Variants in RBFOX1 observed in about 807,000 individuals in gnomAD.
RBFOX1 encodes the protein RNA binding protein fox-1 homolog 1.
Under a neutral mutation model 57.7 loss-of-function variants are expected in RBFOX1, and 8 were observed. That is an observed-to-expected ratio of 0.14 (90% CI 0.08 to 0.25). The LOEUF (loss-of-function observed/expected upper bound fraction) is 0.25. RBFOX1 is among the 10% of genes least tolerant of loss of function. The probability of loss-of-function intolerance (pLI) is 1.00; values close to 1 mark genes in which losing one functional copy is unlikely to be tolerated. For synonymous variants in RBFOX1, 326 were observed against 222.4 expected (o/e 1.47, Z -4.15); for missense variants, 611 against 548.5 (o/e 1.11, Z -1.14).
intron 1 of RBFOX1, among the ~76,000 whole-genome samples, chr16:5,391,461 A>C (rs2151420034): frequency 6.6e-6 from 1 of 152,284 alleles, no homozygotes; most frequent in East Asian, 1.9e-4. Context: ...TCCACATGTA[A>C]GGTCCCTTGG....
intron 3 of RBFOX1, among the ~76,000 whole-genome samples, chr16:6,977,802 G>C (rs2087471103): frequency 6.6e-6 from 1 of 151,952 alleles, no homozygotes; most frequent in African/African-American, 2.4e-5. Flanking sequence ...TAGTCAGTGT[G>C]GATTGCAGGC....
At chr16:5,300,466 A>G (rs540965410) in intron 1 of RBFOX1, among the ~76,000 whole-genome samples, 2 of 152,294 alleles carry the variant, frequency 1.3e-5, no homozygotes, top group Admixed American at 6.5e-5. Flanking sequence ...TAATGAATTT[A>G]TTCTTCTAAC....
chr16:5,350,278 G>C (rs2065233902), intron 1 of RBFOX1, among the ~76,000 whole-genome samples: 1 of 152,160 alleles, frequency 6.6e-6, no homozygotes. Flanking sequence ...TCATGATTTT[G>C]GAGACAAATG....
At position 6,019,455 on chromosome 16, in the gene RBFOX1, G is replaced by A; in HGVS notation, c.-664G>A. 1 of 991,860 alleles carries A rather than the reference G, an allele frequency of 1.0e-6. No homozygotes were observed. Among genetic ancestry groups the A allele is most frequent in the Non-Finnish European group, 1.2e-6 (1 of 834,482 alleles). 61.4% of individuals were successfully genotyped at this position (991,860 alleles called of 1,614,324 possible). Reference sequence around the variant, plus strand: ...GGGGCCGCGTCGGGTGGGGAAACCCGAACTCGCGGAGGGGAATCCCTCCCC... The same window carrying A: ...GGGGCCGCGTCGGGTGGGGAAACCCAAACTCGCGGAGGGGAATCCCTCCCC... On this transcript the variant is annotated 5_prime_UTR_variant, in exon 1 of 16. Coordinates refer to ENST00000550418, the MANE Select transcript of RBFOX1 (RefSeq NM_018723.4). This position sits in a 1 kb window ranked among gnomAD's most constrained non-coding sequence, Gnocchi z 4.2.
intron 3 of RBFOX1, among the ~76,000 whole-genome samples, chr16:7,033,493 C>G (rs904839396): frequency 1.3e-5 from 2 of 152,082 alleles, no homozygotes; most frequent in Non-Finnish European, 2.9e-5. Context: ...GCAGTCCAGC[C>G]TAGGGGATAG....
At chr16:6,586,824 C>T (rs903453366) in intron 2 of RBFOX1, among the ~76,000 whole-genome samples, 2 of 152,104 alleles carry the variant, frequency 1.3e-5, no homozygotes, top group African/African-American at 2.4e-5. Flanking sequence ...GCACTATCAC[C>T]ACGTAATTAT....
In RBFOX1 at chr16:7,174,309, A is replaced by G. The variant is rs913021452; in HGVS notation, c.27+122211A>G. On this transcript the variant is annotated intron_variant, in intron 4 of 15. Transcript: ENST00000550418. The stretch of plus-strand genomic sequence containing the variant: ...TGGATGGACCACATTTTGTTTATCC[A>G]TTTACCCATTTATTGATGGATACGT... Among the ~76,000 whole-genome samples, 3 of 152,216 alleles carry G rather than the reference A, an allele frequency of 2.0e-5. No individual in the cohort carries two copies. In the East Asian group the frequency reaches 5.8e-4, roughly 29 times the overall value.
At chr16:7,507,484 C>T (rs1306837678) in intron 4 of RBFOX1, among the ~76,000 whole-genome samples, 1 of 151,902 alleles carries the variant, frequency 6.6e-6, no homozygotes, top group Non-Finnish European at 1.5e-5. Context: ...CAGTGCCCAT[C>T]CCTGGATCCC....
intron 3 of RBFOX1, among the ~76,000 whole-genome samples, chr16:5,813,410 C>A (rs963444642): frequency 1.1e-4 from 16 of 152,164 alleles, no homozygotes; most frequent in African/African-American, 3.6e-4. Flanking sequence ...CCTCCCCGGC[C>A]CTCAGTAACC....
At chr16:6,142,209 A>AAAC (rs2096722670) in intron 1 of RBFOX1, among the ~76,000 whole-genome samples, 2 of 149,390 alleles carry the variant, frequency 1.3e-5, no homozygotes, top group Non-Finnish European at 3.0e-5. Flanking sequence ...AAAAAAAAAA[A>AAAC]AAAAAAATCC....
intron 4 of RBFOX1, among the ~76,000 whole-genome samples, chr16:7,263,792 A>G (rs187738434): frequency 1.4e-4 from 22 of 151,970 alleles, no homozygotes; most frequent in African/African-American, 5.3e-4. Flanking sequence ...GCTGCTCAAG[A>G]GGTAGGCTGA....
intron 3 of RBFOX1, among the ~76,000 whole-genome samples, chr16:6,697,227 G>T (rs577908815): frequency 2.6e-5 from 4 of 152,110 alleles, no homozygotes; most frequent in Non-Finnish European, 4.4e-5. Flanking sequence ...CACTGTAGTG[G>T]TAGCTGCAGT....
intron 1 of RBFOX1, among the ~76,000 whole-genome samples, chr16:5,341,156 G>C (rs991204261): frequency 6.6e-6 from 1 of 152,124 alleles, no homozygotes; most frequent in Non-Finnish European, 1.5e-5. Flanking sequence ...TGAGTAAGGG[G>C]GGAGTAGGAG....
At chr16:5,869,256 A>G (rs2057410743) in intron 4 of RBFOX1, among the ~76,000 whole-genome samples, 1 of 152,124 alleles carries the variant, frequency 6.6e-6, no homozygotes, top group Non-Finnish European at 1.5e-5. Context: ...CTCTGTGGTC[A>G]TCACCTGAGA....
intron 1 of RBFOX1, among the ~76,000 whole-genome samples, chr16:6,265,310 G>A (rs2074339115): frequency 6.6e-6 from 1 of 151,998 alleles, no homozygotes; most frequent in African/African-American, 2.4e-5. Context: ...CACCTAGGCT[G>A]GAGTGCAGTG....
chr16:6,117,619 C>T (rs1019671549), intron 1 of RBFOX1, among the ~76,000 whole-genome samples: 1 of 152,236 alleles, frequency 6.6e-6, no homozygotes, highest in Non-Finnish European at 1.5e-5. Flanking sequence ...CATTCCTCTC[C>T]TCTGGAGGAT....
chr16:7,271,987 G>A (rs1286439250), intron 4 of RBFOX1, among the ~76,000 whole-genome samples: 1 of 152,038 alleles, frequency 6.6e-6, no homozygotes, highest in African/African-American at 2.4e-5. Flanking sequence ...TTGTTACTCG[G>A]ACCTCTTTGA....
At chr16:7,030,249 G>C (rs1357012748) in intron 3 of RBFOX1, among the ~76,000 whole-genome samples, 1 of 152,174 alleles carries the variant, frequency 6.6e-6, no homozygotes, top group Non-Finnish European at 1.5e-5. Flanking sequence ...AGATGGGATG[G>C]AGTGGAGTGC....
intron 3 of RBFOX1, chr16:5,611,126 G>T (rs7204528): frequency 0.035 from 5,320 of 152,276 alleles, 203 homozygotes; most frequent in African/African-American, 0.084. Context: ...CATGTGCTCT[G>T]TTGGCAACAT....
Sources: allele counts gnomAD v4.1 joint callset (sites outside exome capture counted in the v4.1 genomes callset), GRCh38; gene constraint gnomAD v4.1.1; non-coding constraint Gnocchi (gnomAD v3.1); transcripts MANE v1.5; gene names NCBI Gene and HGNC (gene_info 2026-07-23, HGNC 2026-07-21).